Variants in PXDN observed in about 807,000 individuals in gnomAD.
The protein encoded by PXDN is peroxidasin homolog.
PXDN carries 77 observed loss-of-function variants against 140.3 expected under a neutral mutation model. The ratio of observed to expected loss-of-function variants is 0.55; its 90% CI spans 0.46 to 0.66. The LOEUF is 0.66. Ranked by LOEUF, PXDN falls within the 30% of genes least tolerant of loss-of-function variation. The pLI, the probability that PXDN is intolerant of heterozygous loss-of-function variation, is 0.00. For synonymous variants in PXDN, 911 were observed against 857.4 expected (o/e 1.06, Z -1.09); for missense variants, 1,838 against 2,039.5 (o/e 0.90, Z 1.90).
Position 1,663,628 on chromosome 2 carries a change from G to C in PXDN, c.1544C>G (p.Ala515Gly). 6.2e-7 allele frequency: 1 copy of C among 1,613,992 alleles called. No individual in the cohort carries two copies. Among genetic ancestry groups the C allele is most frequent in the Non-Finnish European group, 8.5e-7 (1 of 1,179,898 alleles). ...ACCTCTGGGCTGCACAGTCAGGTGG[G>C]CCACGACCTTCTGGGAGCCGATGAT... ...VNIIGSQKVV[A>G]HLTVQPRVTP... is the part of the protein sequence containing the mutation. The change falls in exon 12 of 23, where the codon GCC (alanine) becomes GGC (glycine). Residue 515 changes from alanine to glycine, a missense_variant. Physicochemically the swap from Ala to Gly is moderately conservative, Grantham distance 60 (BLOSUM62 0). Around this residue, in one of 5 missense-constraint regions of PXDN, gnomAD observed 537 missense variants for 583.9 expected, o/e 0.92. Transcript: ENST00000252804.
chr2:1,635,521 T>C lies in PXDN; in HGVS notation c.4207A>G (p.Ile1403Val), dbSNP rs1558481326. ...QKTITDLRTQ[I>V]KKLESRLSTT... ...CTGAGCCGTGATTCAAGTTTCTTTA[T>C]CTGCAGCAATGCAAAGAACATTCAT... Residue 1403 changes from isoleucine to valine, a missense_variant and splice_region_variant, in exon 22 of 23, where the codon ATA (isoleucine) becomes GTA (valine). Coordinates refer to ENST00000252804, the MANE Select transcript of PXDN (RefSeq NM_012293.3). 2 of 1,577,112 alleles carry C rather than the reference T, an allele frequency of 1.3e-6. No individual in the cohort carries two copies. Among genetic ancestry groups the C allele is most frequent in the South Asian group, 1.2e-5 (1 of 86,272 alleles).
intron 1 of PXDN, among the ~76,000 whole-genome samples, chr2:1,710,734 CCA>C (rs1308958701): frequency 8.9e-6 from 1 of 111,832 alleles, no homozygotes; most frequent in African/African-American, 3.3e-5. Flanking sequence ...AGCACCCTCT[CCA>C]CCAGCACCCA....
intron 2 of PXDN, chr2:1,692,608 C>T (rs973287536): frequency 1.1e-5 from 5 of 472,404 alleles, no homozygotes; most frequent in Non-Finnish European, 2.2e-5. Flanking sequence ...GAGGTCTGCA[C>T]AGCAACGCTG....
chr2:1,671,543 T>A (rs1683576471), intron 9 of PXDN, among the ~76,000 whole-genome samples: 1 of 152,180 alleles, frequency 6.6e-6, no homozygotes, highest in Admixed American at 6.5e-5. Context: ...TGTATTTATC[T>A]TACAACAAAT....
intron 13 of PXDN, among the ~76,000 whole-genome samples, 171 bp downstream of exon 13, chr2:1,661,901 T>C (rs999037356): frequency 6.6e-6 from 1 of 152,192 alleles, no homozygotes; most frequent in Admixed American, 6.5e-5. Flanking sequence ...AGAAAGTCTA[T>C]AGAGGAAGTG....
rs983953611 is a variant in PXDN, at chr2:1,685,211, G to A, written c.417-1060C>T. Among the ~76,000 whole-genome samples, 1 of 152,210 alleles carries A rather than the reference G, an allele frequency of 6.6e-6. No individual in the cohort carries two copies. Among genetic ancestry groups the A allele is most frequent in the Non-Finnish European group, 1.5e-5 (1 of 68,030 alleles). ...CTCTGCGGACACCTGCAGCCGGAGG[G>A]CCCCCAAACGCAGACCATCCCTGCC... is the stretch of plus-strand genomic sequence containing the variant. On this transcript the variant is annotated intron_variant, in intron 4 of 22. Transcript: ENST00000252804. The surrounding 1 kb of genome is among the most constrained non-coding windows in gnomAD (Gnocchi z 5.1).
chr2:1,738,742 C>T (rs538459152), intron 1 of PXDN, among the ~76,000 whole-genome samples: 72 of 152,172 alleles, frequency 4.7e-4, no homozygotes, highest in African/African-American at 1.7e-3. Flanking sequence ...GAAGGGGTTT[C>T]GCCATGTAGC....
intron 14 of PXDN, among the ~76,000 whole-genome samples, chr2:1,658,049 T>G (rs1211480567): frequency 2.5e-5 from 3 of 121,506 alleles, no homozygotes; most frequent in African/African-American, 7.4e-5. Context: ...TCTCTCTCTC[T>G]CTCTCTCTCT....
intron 18 of PXDN, among the ~76,000 whole-genome samples, chr2:1,644,090 A>AAG (rs1346787152): frequency 6.6e-6 from 1 of 150,540 alleles, no homozygotes; most frequent in East Asian, 1.9e-4. Context: ...AAAAAAAAAA[A>AAG]AAAAAAAAGA....
intron 1 of PXDN, among the ~76,000 whole-genome samples, chr2:1,736,486 T>A (rs1001600158): frequency 8.5e-5 from 13 of 152,084 alleles, no homozygotes; most frequent in African/African-American, 3.1e-4. Context: ...ATGGGTGTGG[T>A]TTATAATACC....
Position 1,648,488 on chromosome 2 carries a change from G to C in PXDN, c.3292C>G (p.Leu1098Val). The C allele has an allele frequency of 6.2e-7, 1 of 1,611,798 alleles. No homozygotes were observed. Among genetic ancestry groups the C allele is most frequent in the Non-Finnish European group, 8.5e-7 (1 of 1,179,812 alleles). The change falls in exon 17 of 23, where the codon CTT (leucine) becomes GTT (valine). Residue 1098 changes from leucine to valine, a missense_variant. Coordinates refer to ENST00000252804, the MANE Select transcript of PXDN (RefSeq NM_012293.3). This position sits in a 1 kb window ranked among gnomAD's most constrained non-coding sequence, Gnocchi z 8.9. Reference protein sequence around the residue: ...FQPIAQDHLPLHKAFFSPFRI... With the variant: ...FQPIAQDHLPVHKAFFSPFRI... ...AAGGGAGAGAAGAAAGCTTTGTGAA[G>C]GGGGAGGTGATCTTGTGCAATGGGC...
chr2:1,677,435 C>A (rs969708419), intron 7 of PXDN, among the ~76,000 whole-genome samples: 1 of 152,224 alleles, frequency 6.6e-6, no homozygotes, highest in Non-Finnish European at 1.5e-5. Flanking sequence ...GTAGCTAAAG[C>A]GTCCCTGAAA....
intron 1 of PXDN, among the ~76,000 whole-genome samples, chr2:1,720,646 T>TCTTTCTCTCTCTCTGCATC (rs1685021233): frequency 1.3e-5 from 2 of 149,774 alleles, no homozygotes; most frequent in African/African-American, 5.1e-5. Flanking sequence ...TCTCTGCATC[T>TCTTTCTCTCTCTCTGCATC]CTTTCTCTCT....
intron 1 of PXDN, among the ~76,000 whole-genome samples, chr2:1,734,402 G>A (rs928813702): frequency 6.6e-6 from 1 of 152,192 alleles, no homozygotes; most frequent in Admixed American, 6.5e-5. Context: ...GTTGCTGGCT[G>A]CTGACGGATC....
At chr2:1,726,747 G>A (rs1685195622) in intron 1 of PXDN, among the ~76,000 whole-genome samples, 1 of 152,004 alleles carries the variant, frequency 6.6e-6, no homozygotes, top group East Asian at 1.9e-4. Context: ...AACCTATAGG[G>A]TGCCTTTTCA....
rs766394767 is a variant in PXDN, at chr2:1,683,696, C to A, written c.520G>T (p.Val174Phe). 1 of 1,607,768 alleles carries A rather than the reference C, an allele frequency of 6.2e-7. No homozygotes were observed. Among genetic ancestry groups the A allele is most frequent in the Admixed American group, 1.7e-5 (1 of 58,616 alleles). Residue 174 changes from valine (V) to phenylalanine (F), a missense_variant, in exon 6 of 23, where the codon GTT becomes TTT. Transcript: ENST00000252804. ...TCCAAGTGATTAAATGTCCCTGGAA[C>A]TAAATGTGTAATCCGGTTGTTATGC... ...FLHNNRITHL[V>F]PGTFNHLESM...
At chr2:1,705,692 G>A (rs370506016) in intron 1 of PXDN, among the ~76,000 whole-genome samples, 78 of 125,902 alleles carry the variant, frequency 6.2e-4, no homozygotes, top group South Asian at 5.7e-4. Flanking sequence ...GCAGCTCCCC[G>A]TGACCTGGGA....
intron 17 of PXDN, chr2:1,646,302 G>GCCGC (rs1292909663): frequency 6.6e-6 from 1 of 152,214 alleles, no homozygotes; most frequent in Non-Finnish European, 1.5e-5. Flanking sequence ...ATGCAACACA[G>GCCGC]CCGCGGTCCA....
In PXDN at chr2:1,648,527, C is replaced by T; in HGVS notation, c.3253G>A (p.Asp1085Asn). Reference sequence around the variant, plus strand: ...TGTGCAATGGGCTGGAAGTTCTCGTCCAGCCGGTAAAGCAGTGGGTTGACA... The same window carrying T: ...TGTGCAATGGGCTGGAAGTTCTCGTTCAGCCGGTAAAGCAGTGGGTTGACA... ...TLVNPLLYRL[D>N]ENFQPIAQDH... Residue 1085 changes from aspartate (D) to asparagine (N), a missense_variant, in exon 17 of 23, where the codon GAC (aspartate) becomes AAC (asparagine). By Grantham distance (23) the Asp-to-Asn change is conservative (BLOSUM62 1). This residue lies in a region of PXDN where 850 missense variants were observed against 894.1 expected (regional missense o/e 0.95). Transcript: ENST00000252804. The surrounding 1 kb of genome is among the most constrained non-coding windows in gnomAD (Gnocchi z 8.9). The T allele has an allele frequency of 6.2e-7, 1 of 1,613,418 alleles. No individual in the cohort carries two copies. The highest frequency in any genetic ancestry group is 8.5e-7 in the Non-Finnish European group (1 of 1,179,886).
Sources: gnomAD v4.1 joint callset for allele counts (sites outside exome capture counted in the v4.1 genomes callset) on GRCh38, gnomAD v4.1.1 for gene constraint, gnomAD v4.1.1 regional missense constraint, Gnocchi (gnomAD v3.1) non-coding constraint, MANE v1.5 for transcripts, NCBI Gene and HGNC (gene_info 2026-07-23, HGNC 2026-07-21) for gene names.